TENM3: variants seen among roughly 807,000 people sequenced by gnomAD.
TENM3 encodes teneurin transmembrane protein 3.
A neutral mutation model predicts 255.1 loss-of-function variants in TENM3; 63 were observed. The observed-to-expected ratio is 0.25, with a 90% CI of 0.20 to 0.30. The LOEUF is 0.30. TENM3 is among the 10% of genes least tolerant of loss of function. TENM3 has a pLI of 1.00. For missense variants in TENM3, 2,929 were observed against 3,461.1 expected (o/e 0.85, Z 3.86); for synonymous variants, 1,306 against 1,322.3 (o/e 0.99, Z 0.27).
intron 24 of TENM3, among the ~76,000 whole-genome samples, chr4:182,787,844 C>A (rs1765801136): frequency 6.7e-6 from 1 of 150,198 alleles, no homozygotes; most frequent in Non-Finnish European, 1.5e-5. Flanking sequence ...AACATCATTG[C>A]TTTTTAGCTT....
rs985483631 is a variant in TENM3, at chr4:182,557,014, T to C, written c.512-43910T>C. Among the ~76,000 whole-genome samples, 11 of 152,346 alleles carry C rather than the reference T, an allele frequency of 7.2e-5. No individual in the cohort carries two copies. The East Asian group carries it at 2.1e-3, about 29-fold the overall frequency. ...TTAAAATCATACATCTAATGTGTAC[T>C]GAAAACCAGTTGCTAAATATGGTTA... On this transcript the variant is annotated intron_variant, in intron 3 of 27. Coordinates refer to ENST00000511685, the MANE Select transcript of TENM3 (RefSeq NM_001080477.4).
chr4:181,977,349 TA>T, the TENM3 span, among the ~76,000 whole-genome samples: 1 of 152,238 alleles, frequency 6.6e-6, no homozygotes, highest in Admixed American at 6.5e-5. Context: ...TTAAGTAAGT[TA>T]AAAGTCTCAC....
intron 1 of TENM3, among the ~76,000 whole-genome samples, chr4:182,193,388 T>C (rs888173974): frequency 1.3e-5 from 2 of 152,162 alleles, no homozygotes; most frequent in Non-Finnish European, 1.5e-5. Context: ...TGACATCTAA[T>C]TCCCCCGGAC....
intron 22 of TENM3, among the ~76,000 whole-genome samples, chr4:182,764,154 T>C (rs924692873): frequency 6.6e-6 from 1 of 152,320 alleles, no homozygotes; most frequent in East Asian, 1.9e-4. Context: ...GGCAAACAGA[T>C]TGACAAATTA....
At chr4:182,326,595 G>A (rs1763427039) in intron 2 of TENM3, among the ~76,000 whole-genome samples, 1 of 152,056 alleles carries the variant, frequency 6.6e-6, no homozygotes, top group African/African-American at 2.4e-5. Context: ...ACTGCAGCGG[G>A]GCAGTCATAG....
At chr4:182,717,490 T>G (rs990877126) in intron 13 of TENM3, among the ~76,000 whole-genome samples, 1 of 152,118 alleles carries the variant, frequency 6.6e-6, no homozygotes, top group Non-Finnish European at 1.5e-5. Flanking sequence ...CTGACAAAGG[T>G]CTCCACTCTC....
At chr4:182,031,157 G>T in the TENM3 span, among the ~76,000 whole-genome samples, 3 of 152,110 alleles carry the variant, frequency 2.0e-5, no homozygotes, top group Admixed American at 2.0e-4. Context: ...GTATTTCCCA[G>T]ATTTTCTTCT....
chr4:181,682,573 G>T, the TENM3 span, among the ~76,000 whole-genome samples: 1,917 of 152,208 alleles, frequency 0.013, 43 homozygotes, highest in African/African-American at 0.043. Flanking sequence ...AAATAACATT[G>T]TCAAGATGGG....
intron 1 of TENM3, among the ~76,000 whole-genome samples, chr4:182,162,722 A>T (rs1047590438): frequency 6.6e-6 from 1 of 152,204 alleles, no homozygotes; most frequent in Non-Finnish European, 1.5e-5. Flanking sequence ...GTTGCCTCAA[A>T]TACTGCATCC....
At chr4:181,590,824 A>G in the TENM3 span, among the ~76,000 whole-genome samples, 1 of 152,340 alleles carries the variant, frequency 6.6e-6, no homozygotes, top group Non-Finnish European at 1.5e-5. Flanking sequence ...AAAACAACAA[A>G]ACAGCATCAA....
chr4:182,114,207 A>G, the TENM3 span, among the ~76,000 whole-genome samples: 1 of 152,240 alleles, frequency 6.6e-6, no homozygotes, highest in African/African-American at 2.4e-5. Flanking sequence ...TAGAATTAAA[A>G]GCAGTTGTTG....
At chr4:182,678,953 A>T (rs553790551) in intron 7 of TENM3, among the ~76,000 whole-genome samples, 8 of 152,312 alleles carry the variant, frequency 5.3e-5, no homozygotes, top group African/African-American at 1.9e-4. Flanking sequence ...CAGCAAACTA[A>T]CACAAGAACA....
At chr4:182,155,350 TACTC>T (rs1295498613) in intron 1 of TENM3, among the ~76,000 whole-genome samples, 10 of 152,280 alleles carry the variant, frequency 6.6e-5, no homozygotes, top group Non-Finnish European at 1.0e-4. Flanking sequence ...TCTGTGTACT[TACTC>T]ATTGAAACAT....
chr4:182,298,984 C>CA (rs11283401), intron 1 of TENM3, among the ~76,000 whole-genome samples: 794 of 25,550 alleles, frequency 0.031, 139 homozygotes, highest in East Asian at 0.13. Context: ...GACTCCTTCT[C>CA]AAAAAAAAAA....
At chr4:181,889,783 G>A in the TENM3 span, among the ~76,000 whole-genome samples, 15 of 152,004 alleles carry the variant, frequency 9.9e-5, no homozygotes, top group Non-Finnish European at 1.9e-4. Context: ...TACTGCTGAC[G>A]GAATCTATGC....
At chr4:182,415,333 A>G (rs1258093358) in intron 3 of TENM3, among the ~76,000 whole-genome samples, 1 of 152,236 alleles carries the variant, frequency 6.6e-6, no homozygotes, top group Non-Finnish European at 1.5e-5. Flanking sequence ...TTTTGGCAGT[A>G]GGAAGGAAGT....
intron 3 of TENM3, among the ~76,000 whole-genome samples, chr4:182,494,203 A>T (rs940085557): frequency 6.6e-6 from 1 of 152,298 alleles, no homozygotes; most frequent in South Asian, 2.1e-4. Flanking sequence ...ACATCAGTGT[A>T]TGATATTCTG....
At chr4:181,800,581 C>T in the TENM3 span, among the ~76,000 whole-genome samples, 78 of 152,104 alleles carry the variant, frequency 5.1e-4, no homozygotes, top group East Asian at 0.013. Flanking sequence ...TGCAGTGAGC[C>T]GAGATTGCAC....
In TENM3 at chr4:182,221,097, G is replaced by A. The variant is rs185231041; in HGVS notation, c.-76+76343G>A. ...GCTTAAGTACCTTAGCTCAAATGCA[G>A]TTACACTGCTGCAGAAAAATGTTAA... On this transcript the variant is annotated intron_variant, in intron 1 of 2. Transcript: ENST00000512480. 1.3e-3 allele frequency among the ~76,000 whole-genome samples: 196 copies of A among 152,292 alleles called. 1 individual carries two copies. The highest frequency in any genetic ancestry group is 4.1e-3 in the Admixed American group (63 of 15,300).
Sources: gnomAD v4.1 joint callset for allele counts (sites outside exome capture counted in the v4.1 genomes callset) on GRCh38, gnomAD v4.1.1 for gene constraint, MANE v1.5 for transcripts, NCBI Gene and HGNC (gene_info 2026-07-23, HGNC 2026-07-21) for gene names.